Variants in MBNL3 observed in about 807,000 individuals in gnomAD.
MBNL3 encodes muscleblind like splicing regulator 3.
In MBNL3, 6 loss-of-function variants were observed where a neutral mutation model predicts 24.5. The observed-to-expected ratio is 0.25, with a 90% CI of 0.13 to 0.48. The LOEUF (loss-of-function observed/expected upper bound fraction) is 0.48, where lower values mean the gene tolerates loss of function less well. Among genes scored for constraint, MBNL3 ranks in the 20% least tolerant of loss-of-function variants. The pLI is 0.99. For synonymous variants in MBNL3, 100 were observed against 101.7 expected (o/e 0.98, Z 0.10); for missense variants, 230 against 293.5 (o/e 0.78, Z 1.58).
intron 1 of MBNL3, among the ~76,000 whole-genome samples, chrX:132,449,977 G>T (rs1238946301): frequency 5.1e-4 from 13 of 25,460 alleles, no homozygotes; most frequent in Non-Finnish European, 8.5e-4. Context: ...GCTGAATATT[G>T]CCCCCCCCCC....
intron 1 of MBNL3, among the ~76,000 whole-genome samples, chrX:132,446,231 T>C (rs1371994429): frequency 8.9e-6 from 1 of 112,120 alleles, no homozygotes. Flanking sequence ...GTCTTTGCTA[T>C]TGTGAATCGT....
chrX:132,395,342 T>A (rs990523059), intron 3 of MBNL3, among the ~76,000 whole-genome samples: 2 of 111,914 alleles, frequency 1.8e-5, no homozygotes, highest in African/African-American at 6.5e-5. Context: ...AACATGAACC[T>A]ATCTGTGGGT....
At chrX:132,452,556 G>C (rs969823080) in intron 1 of MBNL3, among the ~76,000 whole-genome samples, 1 of 112,855 alleles carries the variant, frequency 8.9e-6, no homozygotes, top group African/African-American at 3.2e-5. Context: ...ACATTCAAGT[G>C]AGTGGTAGCA....
At chrX:132,444,831 A>T (rs1250862779) in intron 1 of MBNL3, among the ~76,000 whole-genome samples, 1 of 111,436 alleles carries the variant, frequency 9.0e-6, no homozygotes, top group Non-Finnish European at 1.9e-5. Flanking sequence ...AAGAATTCAC[A>T]TTCTCATGGA....
At chrX:132,408,894 G>A (rs1251228085) in intron 2 of MBNL3, among the ~76,000 whole-genome samples, 1 of 111,900 alleles carries the variant, frequency 8.9e-6, no homozygotes, top group Non-Finnish European at 1.9e-5. Flanking sequence ...TTGAATGACC[G>A]AATCCATAAT....
intron 4 of MBNL3, among the ~76,000 whole-genome samples, 200 bp downstream of exon 4, chrX:132,391,943 A>G (rs1280026471): frequency 4.5e-5 from 5 of 111,951 alleles, no homozygotes; most frequent in African/African-American, 6.5e-5. Context: ...TACACTTAAC[A>G]TATTGTTTGA....
intron 1 of MBNL3, among the ~76,000 whole-genome samples, chrX:132,441,438 T>C (rs1251200889): frequency 8.9e-6 from 1 of 112,390 alleles, no homozygotes; most frequent in Non-Finnish European, 1.9e-5. Flanking sequence ...TGCAGAGCTT[T>C]CTTGCAGAAG....
intron 2 of MBNL3, among the ~76,000 whole-genome samples, chrX:132,418,272 T>C (rs1943479360): frequency 8.9e-6 from 1 of 112,439 alleles, no homozygotes; most frequent in South Asian, 3.7e-4. Flanking sequence ...TTTCCATTTT[T>C]TCACACCATG....
chrX:132,432,002 CT>C (rs1233577060), intron 2 of MBNL3: 5 of 111,440 alleles, frequency 4.5e-5, no homozygotes, highest in African/African-American at 1.3e-4. Context: ...TTCTTTTTAT[CT>C]TTATTATAAA....
At chrX:132,483,539 C>T (rs1161044109) in intron 1 of MBNL3, among the ~76,000 whole-genome samples, 2 of 112,193 alleles carry the variant, frequency 1.8e-5, no homozygotes, top group Admixed American at 1.9e-4. Context: ...TGCGTAGAAG[C>T]TGAGTACTAC....
At chrX:132,484,401 A>G (rs1257672671) in intron 1 of MBNL3, among the ~76,000 whole-genome samples, 1 of 112,219 alleles carries the variant, frequency 8.9e-6, no homozygotes, top group African/African-American at 3.2e-5. Flanking sequence ...GGCATTAGGG[A>G]TATGAGGTAA....
At chrX:132,426,035 T>C (rs1195230525) in intron 2 of MBNL3, among the ~76,000 whole-genome samples, 1 of 111,656 alleles carries the variant, frequency 9.0e-6, no homozygotes, top group African/African-American at 3.3e-5. Context: ...TATATTTGAG[T>C]AAAAACTGAA....
intron 2 of MBNL3, among the ~76,000 whole-genome samples, chrX:132,415,077 C>T (rs1490948081): frequency 8.9e-6 from 1 of 111,815 alleles, no homozygotes; most frequent in Non-Finnish European, 1.9e-5. Flanking sequence ...GAAATAAGAA[C>T]GTCAAGCCTT....
chrX:132,406,782 T>C (rs760559099), intron 2 of MBNL3, among the ~76,000 whole-genome samples: 179 of 112,364 alleles, frequency 1.6e-3, no homozygotes, highest in Non-Finnish European at 2.7e-3. Flanking sequence ...TGGTTTACTA[T>C]GTAGCAGCAA....
chrX:132,449,464 CTTTT>C (rs751006249), intron 1 of MBNL3, among the ~76,000 whole-genome samples: 4 of 29,782 alleles, frequency 1.3e-4, no homozygotes, highest in Admixed American at 4.5e-4. Flanking sequence ...GCAACCCCTG[CTTTT>C]TTTTTTTTTT....
intron 1 of MBNL3, among the ~76,000 whole-genome samples, chrX:132,487,562 G>A (rs1174389112): frequency 8.9e-6 from 1 of 112,323 alleles, no homozygotes; most frequent in East Asian, 2.8e-4. Context: ...CAGAGCGTCT[G>A]CCAACCAAGT....
intron 1 of MBNL3, among the ~76,000 whole-genome samples, chrX:132,470,705 CT>C (rs1392387700): frequency 1.8e-5 from 2 of 111,608 alleles, no homozygotes; most frequent in East Asian, 2.8e-4. Flanking sequence ...TCAAATGATG[CT>C]TTCCCCCCTC....
intron 2 of MBNL3, among the ~76,000 whole-genome samples, chrX:132,410,489 GAAA>G (rs760003948): frequency 9.4e-6 from 1 of 106,938 alleles, no homozygotes; most frequent in Non-Finnish European, 1.9e-5. Flanking sequence ...GAGTTAGAGA[GAAA>G]AAAAAAATCC....
chrX:132,439,779 G>T lies in MBNL3; in HGVS notation c.-168C>A. The T allele has an allele frequency of 1.3e-6, 1 of 751,243 alleles. No homozygotes were observed. The highest frequency in any genetic ancestry group is 1.7e-6 in the Non-Finnish European group (1 of 577,638). The allele number at this position is 751,243 out of a possible 1,213,427, so 61.9% of individuals were successfully genotyped here. On this transcript the variant is annotated 5_prime_UTR_variant, in exon 2 of 9. Transcript: ENST00000370853. ...TTTCATTAAAGTCAAATCTGGTCTA[G>T]TCAAACAAAAAGCCAATCATAAAAA...
Sources: gnomAD v4.1 joint callset for allele counts (sites outside exome capture counted in the v4.1 genomes callset) on GRCh38, gnomAD v4.1.1 for gene constraint, MANE v1.5 for transcripts, NCBI Gene and HGNC (gene_info 2026-07-23, HGNC 2026-07-21) for gene names.